The following PRKG1 variants were observed in gnomAD, a reference collection of about 807,000 sequenced individuals.
PRKG1 encodes protein kinase cGMP-dependent 1.
In PRKG1, 35 loss-of-function variants were observed where a neutral mutation model predicts 88.1. The ratio of observed to expected loss-of-function variants is 0.40; its 90% confidence interval spans 0.30 to 0.53. The LOEUF (loss-of-function observed/expected upper bound fraction) is 0.53, where lower values mean the gene tolerates loss of function less well. PRKG1 is among the 20% of genes least tolerant of loss of function. The pLI is 0.59. For missense variants in PRKG1, 540 were observed against 839.8 expected (o/e 0.64, Z 4.41); for synonymous variants, 303 against 292.5 (o/e 1.04, Z -0.37).
intron 1 of PRKG1, among the ~76,000 whole-genome samples, chr10:51,136,305 T>A (rs574145623): frequency 6.6e-6 from 1 of 152,048 alleles, no homozygotes; most frequent in South Asian, 2.1e-4. Context: ...TGCATTCAGT[T>A]GGGACTTCGG....
intron 3 of PRKG1, among the ~76,000 whole-genome samples, chr10:51,782,924 G>A (rs1838630761): frequency 6.6e-6 from 1 of 152,006 alleles, no homozygotes; most frequent in Non-Finnish European, 1.5e-5. Flanking sequence ...GACTAATACA[G>A]ACCTGTATTC....
At chr10:51,429,590 G>A (rs1340619623) in intron 2 of PRKG1, among the ~76,000 whole-genome samples, 2 of 152,100 alleles carry the variant, frequency 1.3e-5, no homozygotes, top group African/African-American at 2.4e-5. Flanking sequence ...AAGAATTAAA[G>A]TATGACAGCA....
Position 50,991,162 on chromosome 10 carries a change from C to T in PRKG1, c.-217C>T, listed in dbSNP as rs866784167. On this transcript the variant is annotated 5_prime_UTR_variant, in exon 1 of 18. Transcript: ENST00000401604. This position sits in a 1 kb window ranked among gnomAD's most constrained non-coding sequence, Gnocchi z 4.5. ...TCTCCATCGCTTTTAGACTTCTCAT[C>T]CTCCCCTCGGTGCTTTTAGTCCATT... 2.0e-4 allele frequency: 114 copies of T among 582,938 alleles called. No individual in the cohort carries two copies. The highest frequency in any genetic ancestry group is 1.7e-3 in the African/African-American group (83 of 49,284). The allele number at this position is 582,938 out of a possible 1,614,324, so 36.1% of individuals were successfully genotyped here.
At chr10:51,966,322 CA>C (rs1280244759) in intron 5 of PRKG1, among the ~76,000 whole-genome samples, 2 of 152,088 alleles carry the variant, frequency 1.3e-5, no homozygotes, top group Non-Finnish European at 2.9e-5. Flanking sequence ...CCTTCTGAGA[CA>C]CCTAACCTTT....
chr10:51,488,639 T>G (rs1840613427), intron 3 of PRKG1, among the ~76,000 whole-genome samples: 1 of 152,164 alleles, frequency 6.6e-6, no homozygotes, highest in Non-Finnish European at 1.5e-5. Context: ...ATCCTAATCT[T>G]TGAATCTACT....
At chr10:51,358,360 A>C (rs1842409995) in intron 2 of PRKG1, among the ~76,000 whole-genome samples, 1 of 151,892 alleles carries the variant, frequency 6.6e-6, no homozygotes, top group Non-Finnish European at 1.5e-5. Context: ...TGATTGAAGC[A>C]ATTACAAATG....
chr10:51,531,395 T>C (rs1842012128), intron 3 of PRKG1, among the ~76,000 whole-genome samples: 1 of 152,182 alleles, frequency 6.6e-6, no homozygotes, highest in Admixed American at 6.5e-5. Context: ...TACATAATAC[T>C]GAAGCTCCGG....
At chr10:51,120,643 G>A (rs774497884) in intron 1 of PRKG1, among the ~76,000 whole-genome samples, 6 of 152,082 alleles carry the variant, frequency 3.9e-5, no homozygotes, top group South Asian at 2.1e-4. Context: ...AATGGACTTG[G>A]TATACTTGAC....
intron 4 of PRKG1, among the ~76,000 whole-genome samples, chr10:51,900,087 A>T (rs557129402): frequency 6.6e-6 from 1 of 152,312 alleles, no homozygotes; most frequent in African/African-American, 2.4e-5. Flanking sequence ...TCATTAGCCC[A>T]TAGAAACTTC....
chr10:51,087,646 T>C (rs1844286381), intron 1 of PRKG1, among the ~76,000 whole-genome samples: 1 of 152,258 alleles, frequency 6.6e-6, no homozygotes, highest in African/African-American at 2.4e-5. Context: ...ATTTTTAATA[T>C]ACTGTATACC....
chr10:51,079,559 C>T (rs1844053385), intron 1 of PRKG1, among the ~76,000 whole-genome samples: 1 of 152,132 alleles, frequency 6.6e-6, no homozygotes, highest in Non-Finnish European at 1.5e-5. Flanking sequence ...TGCTAAAGTA[C>T]TGTAGTGGGA....
At chr10:52,103,983 T>C (rs977212997) in intron 7 of PRKG1, among the ~76,000 whole-genome samples, 3 of 147,298 alleles carry the variant, frequency 2.0e-5, no homozygotes, top group African/African-American at 7.4e-5. Context: ...CTATTATGAC[T>C]TCATGTGTGT....
At chr10:51,580,147 G>A (rs1306638695) in intron 3 of PRKG1, among the ~76,000 whole-genome samples, 1 of 151,966 alleles carries the variant, frequency 6.6e-6, no homozygotes, top group Non-Finnish European at 1.5e-5. Flanking sequence ...CACAATCTTT[G>A]TATCCTTCAG....
At chr10:52,247,191 T>A (rs1043209526) in intron 9 of PRKG1, among the ~76,000 whole-genome samples, 31 of 152,114 alleles carry the variant, frequency 2.0e-4, no homozygotes, top group Non-Finnish European at 2.6e-4. Flanking sequence ...ATAATTTTTT[T>A]AAAAAATCAT....
chr10:51,367,528 G>A (rs548506119), intron 2 of PRKG1, among the ~76,000 whole-genome samples: 59 of 151,980 alleles, frequency 3.9e-4, no homozygotes, highest in Middle Eastern at 6.8e-3. Context: ...CTCCATAAAA[G>A]GAATTAGACA....
chr10:51,724,597 C>G (rs1392902238), intron 3 of PRKG1, among the ~76,000 whole-genome samples: 2 of 152,152 alleles, frequency 1.3e-5, no homozygotes, highest in Non-Finnish European at 2.9e-5. Flanking sequence ...CTATATTGCT[C>G]AAGTTAGTCT....
chr10:51,667,019 C>G (rs547444747), intron 3 of PRKG1, among the ~76,000 whole-genome samples: 6 of 152,142 alleles, frequency 3.9e-5, no homozygotes, highest in Non-Finnish European at 8.8e-5. Context: ...CCAGGCTGGT[C>G]TCGAACTCCT....
chr10:52,012,375 G>GA (rs1844911053), intron 5 of PRKG1, among the ~76,000 whole-genome samples: 1 of 151,786 alleles, frequency 6.6e-6, no homozygotes, highest in Admixed American at 6.6e-5. Context: ...CTGAGTAGCT[G>GA]GGACTACAGG....
At chr10:51,172,680 C>G (rs1245179431) in intron 2 of PRKG1, among the ~76,000 whole-genome samples, 3 of 89,990 alleles carry the variant, frequency 3.3e-5, no homozygotes, top group African/African-American at 1.4e-4. Flanking sequence ...ATCTATCTAT[C>G]TATCTATCTA....
Sources: gnomAD v4.1 joint callset for allele counts (sites outside exome capture counted in the v4.1 genomes callset) on GRCh38, gnomAD v4.1.1 for gene constraint, Gnocchi (gnomAD v3.1) non-coding constraint, MANE v1.5 for transcripts, NCBI Gene and HGNC (gene_info 2026-07-23, HGNC 2026-07-21) for gene names.